CMTM6: variants seen among roughly 807,000 people sequenced by gnomAD.
CMTM6 encodes the protein CKLF-like MARVEL transmembrane domain-containing protein 6.
Under a neutral mutation model 13.6 loss-of-function variants are expected in CMTM6, and 5 were observed. That is an observed-to-expected ratio of 0.37 (90% CI 0.19 to 0.77). CMTM6 has a LOEUF of 0.77. Among genes scored for constraint, CMTM6 ranks in the 30% least tolerant of loss-of-function variants. The pLI is 0.50. For missense variants in CMTM6, 196 were observed against 218.6 expected (o/e 0.90, Z 0.65); for synonymous variants, 99 against 84.5 (o/e 1.17, Z -0.94).
chr3:32,502,792 C>A lies in CMTM6; in HGVS notation c.-47G>T. ...GCGGCCGCAGCAACCGCGCCGTTGACTTCTCGGACTCCAGAAGTCCCCGGT... is the reference window on the plus strand; with the variant it reads ...GCGGCCGCAGCAACCGCGCCGTTGAATTCTCGGACTCCAGAAGTCCCCGGT... On this transcript the variant is annotated 5_prime_UTR_variant, in exon 1 of 4. Transcript: ENST00000205636. The A allele has an allele frequency of 1.4e-6, 2 of 1,391,584 alleles. No individual in the cohort carries two copies. The highest frequency in any genetic ancestry group is 1.9e-6 in the Non-Finnish European group (2 of 1,073,234). The allele number at this position is 1,391,584 out of a possible 1,614,324, so 86.2% of individuals were successfully genotyped here.
chr3:32,490,363 T>C (rs1276977161), intron 2 of CMTM6, among the ~76,000 whole-genome samples: 1 of 152,172 alleles, frequency 6.6e-6, no homozygotes, highest in Non-Finnish European at 1.5e-5. Flanking sequence ...AGTGTATTAA[T>C]ATGCAGACAG....
chr3:32,492,471 C>T (rs1386395050), intron 1 of CMTM6, among the ~76,000 whole-genome samples: 3 of 152,060 alleles, frequency 2.0e-5, no homozygotes, highest in African/African-American at 2.4e-5. Context: ...TCTAAATGTC[C>T]TCGTTAATTA....
At chr3:32,490,249 A>G (rs186694758) in intron 2 of CMTM6, among the ~76,000 whole-genome samples, 2 of 152,196 alleles carry the variant, frequency 1.3e-5, no homozygotes, top group Admixed American at 1.3e-4. Flanking sequence ...TCTCAAAAAA[A>G]AAAAAAAAGT....
At chr3:32,499,308 T>G (rs926361693) in intron 1 of CMTM6, among the ~76,000 whole-genome samples, 1 of 152,322 alleles carries the variant, frequency 6.6e-6, no homozygotes, top group African/African-American at 2.4e-5. Context: ...ATCTGTTTCT[T>G]GGTACTTATA....
chr3:32,499,861 A>G (rs1258173170), intron 1 of CMTM6, among the ~76,000 whole-genome samples: 1 of 151,516 alleles, frequency 6.6e-6, no homozygotes, highest in East Asian at 1.9e-4. Context: ...TATTCAATTC[A>G]GTTCTGTAAT....
intron 2 of CMTM6, among the ~76,000 whole-genome samples, chr3:32,490,156 G>A (rs1203637260): frequency 6.6e-6 from 1 of 151,568 alleles, no homozygotes; most frequent in Non-Finnish European, 1.5e-5. Context: ...TGAAGCAGGA[G>A]AATCGTTTGA....
In CMTM6 at chr3:32,502,819, G is replaced by C. The variant is rs1301217542; in HGVS notation, c.-74C>G. On this transcript the variant is annotated 5_prime_UTR_variant, in exon 1 of 4. Coordinates refer to ENST00000205636, the MANE Select transcript of CMTM6 (RefSeq NM_017801.3). ...TCTCGGACTCCAGAAGTCCCCGGTA[G>C]CCGGGAGGCGGCCGTCACTTCCTGG... 2 of 1,352,482 alleles carry C rather than the reference G, an allele frequency of 1.5e-6. No homozygotes were observed. Among genetic ancestry groups the C allele is most frequent in the Non-Finnish European group, 1.9e-6 (2 of 1,052,132 alleles). The allele number at this position is 1,352,482 out of a possible 1,614,324, so 83.8% of individuals were successfully genotyped here. A position where few individuals can be genotyped will look rare whatever the true frequency, so the allele number is the denominator to read the frequency against.
At chr3:32,498,548 A>G (rs1697315502) in intron 1 of CMTM6, among the ~76,000 whole-genome samples, 1 of 151,626 alleles carries the variant, frequency 6.6e-6, no homozygotes, top group African/African-American at 2.4e-5. Flanking sequence ...TAAACACTGG[A>G]TAATTACTAT....
At chr3:32,490,510 G>A (rs1020503494) in intron 2 of CMTM6, among the ~76,000 whole-genome samples, 2 of 152,048 alleles carry the variant, frequency 1.3e-5, no homozygotes, top group East Asian at 3.8e-4. Flanking sequence ...AAGGAATACA[G>A]CAAAATAATA....
At chr3:32,484,927 T>G (rs1004148915) in intron 3 of CMTM6, among the ~76,000 whole-genome samples, 2 of 152,028 alleles carry the variant, frequency 1.3e-5, no homozygotes, top group African/African-American at 2.4e-5. Flanking sequence ...AGAATAAGCA[T>G]TCCACCTCAT....
chr3:32,485,963 C>T (rs1381046123), intron 3 of CMTM6, among the ~76,000 whole-genome samples: 3 of 152,140 alleles, frequency 2.0e-5, no homozygotes, highest in African/African-American at 2.4e-5. Context: ...CTGCAACCTC[C>T]GCCTCCTCGG....
chr3:32,497,108 GC>G (rs1697299614), intron 1 of CMTM6, among the ~76,000 whole-genome samples: 1 of 152,166 alleles, frequency 6.6e-6, no homozygotes, highest in Non-Finnish European at 1.5e-5. Flanking sequence ...CCTACACCGG[GC>G]GCGGTGGCTC....
rs1032097688 is a variant in CMTM6 at position 32,502,823 on chromosome 3, G to T, written c.-78C>A. ...GGACTCCAGAAGTCCCCGGTAGCCG[G>T]GAGGCGGCCGTCACTTCCTGGGCCT... On this transcript the variant is annotated 5_prime_UTR_variant, in exon 1 of 4. Transcript: ENST00000205636. The T allele has an allele frequency of 1.5e-6, 2 of 1,352,266 alleles. No homozygotes were observed. The highest frequency in any genetic ancestry group is 3.4e-5 in the South Asian group (2 of 59,700). 83.8% of individuals were successfully genotyped at this position (1,352,266 alleles called of 1,614,324 possible). A position where few individuals can be genotyped will look rare whatever the true frequency, so the allele number is the denominator to read the frequency against.
At chr3:32,500,987 G>A (rs1697339374) in intron 1 of CMTM6, among the ~76,000 whole-genome samples, 1 of 151,276 alleles carries the variant, frequency 6.6e-6, no homozygotes, top group Non-Finnish European at 1.5e-5. Context: ...CCTGAAGTCA[G>A]GAGTTTGAGA....
chr3:32,490,229 C>T (rs1292836196), intron 2 of CMTM6, among the ~76,000 whole-genome samples: 1 of 148,748 alleles, frequency 6.7e-6, no homozygotes, highest in Non-Finnish European at 1.5e-5. Flanking sequence ...CTGGGTAACA[C>T]AGCAAGACTT....
At chr3:32,490,993 A>G (rs1389487653) in intron 2 of CMTM6, among the ~76,000 whole-genome samples, 1 of 152,238 alleles carries the variant, frequency 6.6e-6, no homozygotes, top group Non-Finnish European at 1.5e-5. Flanking sequence ...AATTAACAAA[A>G]ATTCTAAGGA....
intron 1 of CMTM6, among the ~76,000 whole-genome samples, chr3:32,496,373 G>T (rs1039512467): frequency 2.2e-4 from 33 of 151,392 alleles, no homozygotes; most frequent in African/African-American, 7.3e-4. Flanking sequence ...CTTGGACTCA[G>T]GAGTTTGAGA....
intron 1 of CMTM6, among the ~76,000 whole-genome samples, chr3:32,498,611 T>TC (rs1479585657): frequency 1.3e-5 from 2 of 150,466 alleles, no homozygotes; most frequent in African/African-American, 4.9e-5. Context: ...TTTTTTTTTT[T>TC]TTTTCTGAGA....
chr3:32,486,836 G>A (rs1223347628), intron 3 of CMTM6, among the ~76,000 whole-genome samples: 3 of 152,164 alleles, frequency 2.0e-5, no homozygotes, highest in South Asian at 2.1e-4. Flanking sequence ...GTGAGTTACT[G>A]CAAGATCTGC....
Sources: allele counts gnomAD v4.1 joint callset (sites outside exome capture counted in the v4.1 genomes callset), GRCh38; gene constraint gnomAD v4.1.1; transcripts MANE v1.5; gene names NCBI Gene and HGNC (gene_info 2026-07-23, HGNC 2026-07-21).